Variants in NELL1 observed in about 807,000 individuals in gnomAD.
NELL1 encodes neural EGFL like 1, also known as protein kinase C-binding protein NELL1.
Under a neutral mutation model 107.4 loss-of-function variants are expected in NELL1, and 76 were observed. The observed-to-expected ratio is 0.71, with a 90% CI of 0.59 to 0.86. The LOEUF (loss-of-function observed/expected upper bound fraction) is 0.86, where lower values mean the gene tolerates loss of function less well. NELL1 is among the 40% of genes least tolerant of loss of function. The pLI, the probability that NELL1 is intolerant of heterozygous loss-of-function variation, is 0.00. For missense variants in NELL1, 1,024 were observed against 1,005.5 expected, an observed-to-expected ratio of 1.02 and a Z score of -0.25; for synonymous variants, 353 against 341.2, an observed-to-expected ratio of 1.03 and a Z score of -0.38.
chr11:20,816,441 C>A (rs1857625408), intron 3 of NELL1, among the ~76,000 whole-genome samples: 1 of 152,072 alleles, frequency 6.6e-6, no homozygotes, highest in African/African-American at 2.4e-5. Context: ...ATTTGGCTCT[C>A]AGTTTGAACA....
At chr11:21,035,333 T>A (rs1565026002) in intron 12 of NELL1, among the ~76,000 whole-genome samples, 1 of 151,934 alleles carries the variant, frequency 6.6e-6, no homozygotes, top group Non-Finnish European at 1.5e-5. Flanking sequence ...CTGAAACTAT[T>A]CCAAAAATCG....
At chr11:20,817,432 T>C (rs1857647380) in intron 3 of NELL1, among the ~76,000 whole-genome samples, 1 of 152,186 alleles carries the variant, frequency 6.6e-6, no homozygotes, top group Admixed American at 6.5e-5. Context: ...CATAAAGGTG[T>C]TCATAATAGT....
At chr11:21,395,459 T>G (rs970726464) in intron 15 of NELL1, among the ~76,000 whole-genome samples, 7 of 151,580 alleles carry the variant, frequency 4.6e-5, no homozygotes, top group South Asian at 4.1e-4. Context: ...CTTTTACATC[T>G]ATATTTGGCC....
intron 12 of NELL1, among the ~76,000 whole-genome samples, chr11:21,093,065 T>C (rs1008306522): frequency 6.6e-6 from 1 of 152,128 alleles, no homozygotes; most frequent in African/African-American, 2.4e-5. Context: ...ATGTTTACCA[T>C]TGGTTCAGGG....
At chr11:20,902,793 A>C (rs1342698275) in intron 5 of NELL1, among the ~76,000 whole-genome samples, 1 of 152,116 alleles carries the variant, frequency 6.6e-6, no homozygotes, top group African/African-American at 2.4e-5. Context: ...AGTGAAATTG[A>C]ACAAAAATTG....
chr11:21,369,536 A>G (rs897067068), intron 14 of NELL1, among the ~76,000 whole-genome samples: 7 of 144,714 alleles, frequency 4.8e-5, no homozygotes, highest in African/African-American at 1.5e-4. Context: ...AATGTGGAAA[A>G]CAACAATATT....
At chr11:21,097,189 G>A (rs10500890) in intron 12 of NELL1, among the ~76,000 whole-genome samples, 30,513 of 151,980 alleles carry the variant, frequency 0.2, 3,180 homozygotes, top group East Asian at 0.38. Context: ...TGTTCTTAAC[G>A]TAGTCACCGA....
intron 15 of NELL1, among the ~76,000 whole-genome samples, chr11:21,386,925 T>G (rs547707061): frequency 6.6e-6 from 1 of 151,988 alleles, no homozygotes; most frequent in East Asian, 2.0e-4. Flanking sequence ...GGCTAGACCT[T>G]CATTTAAGCT....
intron 3 of NELL1, among the ~76,000 whole-genome samples, chr11:20,805,805 G>C (rs550320566): frequency 6.6e-6 from 1 of 152,282 alleles, no homozygotes; most frequent in Non-Finnish European, 1.5e-5. Context: ...CCTGGCCAAC[G>C]CATTATTTTA....
Position 21,057,409 on chromosome 11 carries a change from G to A in NELL1, c.1301-56180G>A, listed in dbSNP as rs540332026. 3.3e-5 allele frequency among the ~76,000 whole-genome samples: 5 copies of A among 152,016 alleles called. No homozygotes were observed. The South Asian group carries it at 1.0e-3, about 32-fold the overall frequency. ...GAGAAATTTGTCAGTTTCATCAAGT[G>A]TCTTAAAATGTTGCATATCCTCTGA... is the stretch of plus-strand genomic sequence containing the variant. On this transcript the variant is annotated intron_variant, in intron 12 of 19. Coordinates refer to ENST00000357134, the MANE Select transcript of NELL1 (RefSeq NM_006157.5).
At chr11:21,085,570 A>G (rs746252976) in intron 12 of NELL1, among the ~76,000 whole-genome samples, 15 of 152,148 alleles carry the variant, frequency 9.9e-5, no homozygotes, top group Non-Finnish European at 1.8e-4. Flanking sequence ...CAGGAGTTCA[A>G]CGTTACAGTG....
At chr11:20,778,377 C>A (rs1261429677) in intron 2 of NELL1, among the ~76,000 whole-genome samples, 6 of 152,148 alleles carry the variant, frequency 3.9e-5, no homozygotes. Context: ...AATTCACCAC[C>A]ATCCTCACTC....
intron 15 of NELL1, among the ~76,000 whole-genome samples, chr11:21,403,787 A>C (rs956328190): frequency 1.3e-5 from 2 of 151,714 alleles, no homozygotes; most frequent in African/African-American, 4.9e-5. Flanking sequence ...AAACAACAGC[A>C]TCTACCTGGA....
intron 13 of NELL1, among the ~76,000 whole-genome samples, chr11:21,155,718 A>G (rs1856216973): frequency 6.6e-6 from 1 of 152,094 alleles, no homozygotes; most frequent in Admixed American, 6.6e-5. Flanking sequence ...TGAATGAGTG[A>G]TTAGGAAGTG....
chr11:21,429,438 T>A (rs1402052822), intron 15 of NELL1, among the ~76,000 whole-genome samples: 1 of 152,198 alleles, frequency 6.6e-6, no homozygotes, highest in African/African-American at 2.4e-5. Flanking sequence ...TTTATTAAAA[T>A]CTGTGTATGA....
At chr11:21,331,627 AT>A (rs1426500199) in intron 14 of NELL1, among the ~76,000 whole-genome samples, 1 of 152,048 alleles carries the variant, frequency 6.6e-6, no homozygotes, top group Non-Finnish European at 1.5e-5. Context: ...CAGTCACTTT[AT>A]TGTTTTGGAC....
chr11:21,550,209 T>C (rs531529928), intron 16 of NELL1, among the ~76,000 whole-genome samples: 1 of 152,110 alleles, frequency 6.6e-6, no homozygotes, highest in African/African-American at 2.4e-5. Flanking sequence ...AAAATGTTAG[T>C]GTTTGAGTTC....
chr11:20,740,675 T>A (rs1415553870), intron 2 of NELL1, among the ~76,000 whole-genome samples: 1 of 152,254 alleles, frequency 6.6e-6, no homozygotes, highest in Non-Finnish European at 1.5e-5. Flanking sequence ...GTCATGATGA[T>A]GACAGGAATA....
At chr11:21,152,701 A>G (rs1339574065) in intron 13 of NELL1, among the ~76,000 whole-genome samples, 1 of 152,156 alleles carries the variant, frequency 6.6e-6, no homozygotes. Flanking sequence ...ATTCCCTCAT[A>G]TGAGTTTCTT....
Sources: gnomAD v4.1 joint callset for allele counts (sites outside exome capture counted in the v4.1 genomes callset) on GRCh38, gnomAD v4.1.1 for gene constraint, MANE v1.5 for transcripts, NCBI Gene and HGNC (gene_info 2026-07-23, HGNC 2026-07-21) for gene names.